Variants in WDFY2 observed in about 807,000 individuals in gnomAD.
WDFY2 encodes WD repeat and FYVE domain-containing protein 2.
WDFY2 carries 36 observed loss-of-function variants against 56.4 expected under a neutral mutation model. The observed-to-expected ratio is 0.64, with a 90% CI of 0.49 to 0.84. The LOEUF (loss-of-function observed/expected upper bound fraction) is 0.84, where lower values mean the gene tolerates loss of function less well. Among genes scored for constraint, WDFY2 ranks in the 40% least tolerant of loss-of-function variants. WDFY2 has a pLI of 0.00. For missense variants in WDFY2, 444 were observed against 512.2 expected (o/e 0.87, Z 1.29); for synonymous variants, 176 against 183.7 (o/e 0.96, Z 0.34).
At chr13:51,616,865 AGT>A (rs1343173708) in intron 1 of WDFY2, among the ~76,000 whole-genome samples, 2 of 152,218 alleles carry the variant, frequency 1.3e-5, no homozygotes, top group African/African-American at 4.8e-5. Flanking sequence ...CATAGTTCTA[AGT>A]GTTTTTATTT....
chr13:51,710,318 C>G (rs1952182826), intron 4 of WDFY2, among the ~76,000 whole-genome samples: 1 of 152,082 alleles, frequency 6.6e-6, no homozygotes, highest in Non-Finnish European at 1.5e-5. Flanking sequence ...ATGACAAACC[C>G]ACAGCCAATA....
At chr13:51,679,597 G>C (rs987101607) in intron 3 of WDFY2, among the ~76,000 whole-genome samples, 1 of 152,104 alleles carries the variant, frequency 6.6e-6, no homozygotes, top group Non-Finnish European at 1.5e-5. Flanking sequence ...GGTAGTTCTT[G>C]TGATTGTGAT....
chr13:51,649,838 A>G (rs1453748952), intron 1 of WDFY2, among the ~76,000 whole-genome samples: 6 of 152,060 alleles, frequency 3.9e-5, no homozygotes, highest in African/African-American at 9.7e-5. Flanking sequence ...GTATAGTTTG[A>G]AGTCAGGTAG....
At chr13:51,648,976 G>A (rs751280452) in intron 1 of WDFY2, among the ~76,000 whole-genome samples, 11 of 152,036 alleles carry the variant, frequency 7.2e-5, no homozygotes, top group Non-Finnish European at 1.0e-4. Flanking sequence ...GTGAAATCCC[G>A]TCTCTACTAA....
intron 1 of WDFY2, among the ~76,000 whole-genome samples, chr13:51,642,173 G>T (rs1164902632): frequency 6.6e-6 from 1 of 151,392 alleles, no homozygotes; most frequent in Non-Finnish European, 1.5e-5. Flanking sequence ...CCATATCTTT[G>T]TCTCTGTGAA....
In WDFY2 at chr13:51,603,130, G is replaced by A. The variant is rs534171655; in HGVS notation, c.137+18306G>A. Among the ~76,000 whole-genome samples, 5 of 152,150 alleles carry A rather than the reference G, an allele frequency of 3.3e-5. No homozygotes were observed. In the South Asian group the frequency reaches 1.0e-3, roughly 32 times the overall value. ...CACCATAAAGTTCATCAATTAATAC[G>A]GCAAATGGAAATGCCAGAAAGATTG... On this transcript the variant is annotated intron_variant, in intron 1 of 11. Transcript: ENST00000298125.
intron 4 of WDFY2, among the ~76,000 whole-genome samples, chr13:51,717,678 G>A (rs1952388331): frequency 6.6e-6 from 1 of 152,022 alleles, no homozygotes; most frequent in East Asian, 1.9e-4. Context: ...AACATTTGAC[G>A]ATAGAGACAT....
At chr13:51,676,854 C>G (rs1025528025) in intron 3 of WDFY2, among the ~76,000 whole-genome samples, 2 of 152,156 alleles carry the variant, frequency 1.3e-5, no homozygotes, top group African/African-American at 4.8e-5. Flanking sequence ...ATTCAGTGGA[C>G]TTCTGAAGTG....
At chr13:51,663,519 T>G (rs908826914) in intron 2 of WDFY2, among the ~76,000 whole-genome samples, 2 of 152,192 alleles carry the variant, frequency 1.3e-5, no homozygotes, top group East Asian at 3.9e-4. Context: ...TCATCACAAT[T>G]GGTTAGAAAT....
At chr13:51,694,077 C>G (rs1453217219) in intron 3 of WDFY2, among the ~76,000 whole-genome samples, 1 of 152,032 alleles carries the variant, frequency 6.6e-6, no homozygotes, top group Non-Finnish European at 1.5e-5. Context: ...CTATGTGTGT[C>G]TCTGCACGTG....
At chr13:51,651,170 C>A (rs2100147081) in intron 1 of WDFY2, among the ~76,000 whole-genome samples, 1 of 152,144 alleles carries the variant, frequency 6.6e-6, no homozygotes, top group South Asian at 2.1e-4. Context: ...GGAATTTATC[C>A]ATTTCTTCTA....
intron 3 of WDFY2, among the ~76,000 whole-genome samples, chr13:51,698,646 C>T (rs1951923794): frequency 6.6e-6 from 1 of 152,108 alleles, no homozygotes; most frequent in Admixed American, 6.5e-5. Context: ...AGAAGTAATT[C>T]ATTGAAAATT....
intron 7 of WDFY2, among the ~76,000 whole-genome samples, chr13:51,748,403 A>G (rs572007040): frequency 1.3e-5 from 2 of 152,300 alleles, no homozygotes; most frequent in East Asian, 1.9e-4. Context: ...TGAGAAATCA[A>G]CTATTGGAGT....
chr13:51,681,601 G>A (rs181049708), intron 3 of WDFY2, among the ~76,000 whole-genome samples: 2 of 152,198 alleles, frequency 1.3e-5, no homozygotes, highest in East Asian at 3.9e-4. Flanking sequence ...AATGTGAAGA[G>A]TTCATTTTAT....
In WDFY2 at chr13:51,719,293, G is replaced by C; in HGVS notation, c.430G>C (p.Glu144Gln). ...QDKQFAWHCSESGQRLGGYRT... is the reference protein window; with the variant it reads ...QDKQFAWHCSQSGQRLGGYRT... ...CAAGCAATTTGCCTGGCACTGCTCT[G>C]AGAGTGGGCAGCGCCTGGGAGGTTA... Residue 144 changes from glutamate (E) to glutamine (Q), a missense_variant, in exon 5 of 12, where the codon GAG (glutamate) becomes CAG (glutamine). By Grantham distance (29) the Glu-to-Gln change is conservative (BLOSUM62 2). Coordinates refer to ENST00000298125, the MANE Select transcript of WDFY2 (RefSeq NM_052950.4). The C allele has an allele frequency of 2.5e-6, 4 of 1,613,984 alleles. No individual in the cohort carries two copies. Among genetic ancestry groups the C allele is most frequent in the South Asian group, 2.2e-5 (2 of 91,052 alleles).
At chr13:51,663,084 G>A (rs1201238254) in intron 2 of WDFY2, among the ~76,000 whole-genome samples, 2 of 152,048 alleles carry the variant, frequency 1.3e-5, no homozygotes, top group East Asian at 3.9e-4. Context: ...ATTTTTTGAG[G>A]CCAGGAGTTC....
At chr13:51,743,702 A>G (rs1944686780) in intron 7 of WDFY2, among the ~76,000 whole-genome samples, 1 of 152,222 alleles carries the variant, frequency 6.6e-6, no homozygotes, top group South Asian at 2.1e-4. Flanking sequence ...TGAGTTAGGA[A>G]ATAGCCCTGC....
chr13:51,725,674 G>A (rs1000591084), intron 5 of WDFY2, among the ~76,000 whole-genome samples: 7 of 150,948 alleles, frequency 4.6e-5, no homozygotes, highest in South Asian at 4.2e-4. Context: ...GTGTGTGTGT[G>A]TATATATCTA....
At chr13:51,673,728 A>G (rs2138498364) in intron 2 of WDFY2, among the ~76,000 whole-genome samples, 1 of 152,272 alleles carries the variant, frequency 6.6e-6, no homozygotes, top group African/African-American at 2.4e-5. Context: ...TTACTGGTCA[A>G]GGGCAATAAA....
Sources: gnomAD v4.1 joint callset for allele counts (sites outside exome capture counted in the v4.1 genomes callset) on GRCh38, gnomAD v4.1.1 for gene constraint, MANE v1.5 for transcripts, NCBI Gene and HGNC (gene_info 2026-07-23, HGNC 2026-07-21) for gene names.